TMEM135: variants seen among roughly 807,000 people sequenced by gnomAD.
TMEM135 encodes the protein peroxisomal membrane protein 52.
Under a neutral mutation model 60.3 loss-of-function variants are expected in TMEM135, and 30 were observed. That is an observed-to-expected ratio of 0.50 (90% confidence interval 0.37 to 0.68). The LOEUF (loss-of-function observed/expected upper bound fraction) is 0.68, where lower values mean the gene tolerates loss of function less well. Ranked by LOEUF, TMEM135 falls within the 30% of genes least tolerant of loss-of-function variation. The pLI, the probability that TMEM135 is intolerant of heterozygous loss-of-function variation, is 0.00. For synonymous variants in TMEM135, 190 were observed against 186.7 expected (o/e 1.02, Z -0.14); for missense variants, 468 against 548.8 (o/e 0.85, Z 1.47).
intron 5 of TMEM135, among the ~76,000 whole-genome samples, chr11:87,191,869 G>A (rs1011239894): frequency 1.3e-5 from 2 of 151,540 alleles, no homozygotes; most frequent in Admixed American, 1.3e-4. Flanking sequence ...AGCATTGGGA[G>A]TTTATACTTT....
At chr11:87,237,189 GT>G (rs1941016764) in intron 6 of TMEM135, among the ~76,000 whole-genome samples, 1 of 152,096 alleles carries the variant, frequency 6.6e-6, no homozygotes, top group East Asian at 1.9e-4. Flanking sequence ...TCTCAGGTTT[GT>G]TGGGGGCTAA....
At chr11:87,093,958 T>TA (rs1450561098) in intron 4 of TMEM135, among the ~76,000 whole-genome samples, 1 of 152,210 alleles carries the variant, frequency 6.6e-6, no homozygotes, top group African/African-American at 2.4e-5. Context: ...AATTAAATGT[T>TA]ACGTAAATAT....
chr11:87,301,269 A>G (rs1327498984), intron 7 of TMEM135, among the ~76,000 whole-genome samples: 1 of 150,438 alleles, frequency 6.6e-6, no homozygotes, highest in Non-Finnish European at 1.5e-5. Flanking sequence ...TTTTTTTTTT[A>G]AAGAGACAGG....
intron 5 of TMEM135, among the ~76,000 whole-genome samples, chr11:87,226,865 A>T (rs924500265): frequency 6.6e-6 from 1 of 152,110 alleles, no homozygotes; most frequent in Non-Finnish European, 1.5e-5. Context: ...CCTGGCCAAC[A>T]TGGTGAAACC....
chr11:87,273,387 T>C (rs1941906327), intron 6 of TMEM135, among the ~76,000 whole-genome samples: 1 of 152,230 alleles, frequency 6.6e-6, no homozygotes, highest in Admixed American at 6.5e-5. Flanking sequence ...TATACTTGTC[T>C]AGTATCCTTT....
At chr11:87,186,742 A>C (rs1446072774) in intron 5 of TMEM135, among the ~76,000 whole-genome samples, 4 of 152,192 alleles carry the variant, frequency 2.6e-5, no homozygotes, top group Non-Finnish European at 4.4e-5. Flanking sequence ...AGATTTATAA[A>C]ATTATGATTT....
At chr11:87,218,255 T>G (rs550795854) in intron 5 of TMEM135, among the ~76,000 whole-genome samples, 1 of 152,198 alleles carries the variant, frequency 6.6e-6, no homozygotes, top group Non-Finnish European at 1.5e-5. Flanking sequence ...TCTAGGGATT[T>G]AACTTAGAAG....
intron 4 of TMEM135, among the ~76,000 whole-genome samples, chr11:87,103,505 T>G (rs10898600): frequency 0.08 from 12,099 of 150,700 alleles, 554 homozygotes; most frequent in East Asian, 0.17. Flanking sequence ...TTTGTTTTTT[T>G]GTTTTTGAGA....
chr11:87,220,453 C>G (rs1368543517), intron 5 of TMEM135, among the ~76,000 whole-genome samples: 1 of 152,152 alleles, frequency 6.6e-6, no homozygotes. Context: ...AAGGCCAGGT[C>G]ATATCACTTT....
chr11:87,229,628 A>T (rs983988272), intron 5 of TMEM135, among the ~76,000 whole-genome samples: 1 of 152,182 alleles, frequency 6.6e-6, no homozygotes, highest in Non-Finnish European at 1.5e-5. Context: ...AGAGATGTTT[A>T]CAAAGTATGC....
intron 6 of TMEM135, among the ~76,000 whole-genome samples, chr11:87,257,682 T>C (rs904363361): frequency 2.6e-5 from 4 of 152,188 alleles, no homozygotes; most frequent in Admixed American, 1.3e-4. Flanking sequence ...TAGAAAAATC[T>C]GTAGAGATAA....
intron 5 of TMEM135, among the ~76,000 whole-genome samples, chr11:87,162,297 G>C (rs754649478): frequency 2.6e-5 from 4 of 151,728 alleles, no homozygotes; most frequent in African/African-American, 4.8e-5. Context: ...AGGTATACAC[G>C]TGCCATGGTA....
At chr11:87,231,446 G>A (rs2135368099) in intron 5 of TMEM135, among the ~76,000 whole-genome samples, 1 of 152,298 alleles carries the variant, frequency 6.6e-6, no homozygotes, top group East Asian at 1.9e-4. Context: ...GGAATAATTA[G>A]CCCTGGATTT....
At chr11:87,236,815 C>T in intron 6 of TMEM135, 131 bp downstream of exon 6, 7 of 811,228 alleles carry the variant, frequency 8.6e-6, no homozygotes, top group Non-Finnish European at 1.5e-5. Context: ...GCACCCCCGC[C>T]CAGAGTGGAC....
At chr11:87,265,232 A>T (rs1941725499) in intron 6 of TMEM135, among the ~76,000 whole-genome samples, 1 of 151,934 alleles carries the variant, frequency 6.6e-6, no homozygotes, top group Non-Finnish European at 1.5e-5. Context: ...AGTCCTACAC[A>T]TCTGGTTGTG....
chr11:87,327,086 C>G lies in TMEM135; in HGVS notation c.*5753C>G, dbSNP rs966236127. 1 of 453,968 alleles carries G rather than the reference C, an allele frequency of 2.2e-6. No homozygotes were observed. Among genetic ancestry groups the G allele is most frequent in the Admixed American group, 2.3e-5 (1 of 42,554 alleles). 28.1% of individuals were successfully genotyped at this position (453,968 alleles called of 1,614,324 possible). On this transcript the variant is annotated 3_prime_UTR_variant, in exon 15 of 15. Transcript: ENST00000305494. Reference sequence around the variant, plus strand: ...GCCCCAGGGATGAATCATAATTGTTCTAGGCCTTTCATGTCTTTCCTTTCT... The same window carrying G: ...GCCCCAGGGATGAATCATAATTGTTGTAGGCCTTTCATGTCTTTCCTTTCT...
At position 87,067,693 on chromosome 11, in the gene TMEM135, G is replaced by T; in HGVS notation, c.142-1G>T. On this transcript the variant is annotated splice_acceptor_variant, in intron 1 of 14. Transcript: ENST00000305494. LOFTEE classifies it high-confidence loss of function. ...AAACAAAAAATCCTTTCTCTTTCCA[G>T]ATTGCAGCAATTCTCCGGAAACGGA... 6.2e-7 allele frequency: 1 copy of T among 1,613,538 alleles called. No individual in the cohort carries two copies. Among genetic ancestry groups the T allele is most frequent in the South Asian group, 1.1e-5 (1 of 91,042 alleles).
chr11:87,311,461 G>A (rs1189076843), intron 10 of TMEM135, among the ~76,000 whole-genome samples: 1 of 151,916 alleles, frequency 6.6e-6, no homozygotes. Context: ...TCACGTTATA[G>A]CATTTGTATT....
intron 1 of TMEM135, among the ~76,000 whole-genome samples, chr11:87,046,581 G>A (rs1255949377): frequency 6.6e-6 from 1 of 152,194 alleles, no homozygotes; most frequent in South Asian, 2.1e-4. Context: ...TTAATTACCA[G>A]TGCGGTATGT....
Sources: allele counts gnomAD v4.1 joint callset (sites outside exome capture counted in the v4.1 genomes callset), GRCh38; gene constraint gnomAD v4.1.1; transcripts MANE v1.5; gene names NCBI Gene and HGNC (gene_info 2026-07-23, HGNC 2026-07-21).